DHRSX: variants seen among roughly 807,000 people sequenced by gnomAD.
DHRSX encodes the protein dehydrogenase/reductase X-linked.
In DHRSX, 31 loss-of-function variants were observed where a neutral mutation model predicts 34.0. The observed-to-expected ratio is 0.91, with a 90% CI of 0.69 to 1.23. DHRSX has a LOEUF of 1.23. DHRSX is among the 50% of genes most tolerant of loss of function. The probability of loss-of-function intolerance (pLI) is 0.00; values close to 1 mark genes in which losing one functional copy is unlikely to be tolerated. For missense variants in DHRSX, 414 were observed against 428.1 expected (o/e 0.97, Z 0.29); for synonymous variants, 201 against 183.8 (o/e 1.09, Z -0.76).
chrX:2,334,307 G>A (rs915664284), intron 3 of DHRSX: 1 of 151,696 alleles, frequency 6.6e-6, no homozygotes, highest in Non-Finnish European at 1.5e-5. Flanking sequence ...TGGAATTCTA[G>A]GCACCTGCCA....
chrX:2,292,535 T>C lies in DHRSX; in HGVS notation c.287-932A>G, dbSNP rs144179969. 2.7e-4 allele frequency among the ~76,000 whole-genome samples: 41 copies of C among 152,174 alleles called. No individual in the cohort carries two copies. In the East Asian group the frequency reaches 7.3e-3, roughly 27 times the overall value. On this transcript the variant is annotated intron_variant, in intron 3 of 6. Transcript: ENST00000334651. Reference sequence around the variant, plus strand: ...CAGCATATGTAACTGATACACAAAATGACTCAGAAGCAAGGACTTCCTTCT... The same window carrying C: ...CAGCATATGTAACTGATACACAAAACGACTCAGAAGCAAGGACTTCCTTCT...
intron 3 of DHRSX, among the ~76,000 whole-genome samples, chrX:2,303,058 C>G (rs188365891): frequency 3.9e-5 from 6 of 152,192 alleles, no homozygotes; most frequent in Non-Finnish European, 8.8e-5. Context: ...CATACTACTG[C>G]TAATAATTGG....
intron 5 of DHRSX, among the ~76,000 whole-genome samples, chrX:2,250,179 A>AC (rs1276944962): frequency 7.7e-4 from 115 of 149,436 alleles, no homozygotes; most frequent in East Asian, 2.9e-3. Context: ...AAAAAAAAAA[A>AC]AATTAAGCAT....
chrX:2,320,310 T>G (rs2042293582), intron 3 of DHRSX, among the ~76,000 whole-genome samples: 1 of 112,020 alleles, frequency 8.9e-6, no homozygotes, highest in Admixed American at 9.5e-5. Context: ...TTTTTTTTTT[T>G]TTGAGATGGG....
chrX:2,452,347 C>T lies in DHRSX; in HGVS notation c.110-27043G>A, dbSNP rs893139464. On this transcript the variant is annotated intron_variant, in intron 1 of 6. Transcript: ENST00000334651. ...GCCAAGGGACGGCACTGAAGACGTT[C>T]CCTAGGCATGTGGTCAAGGGACCGC... Among the ~76,000 whole-genome samples the T allele has an allele frequency of 1.6e-4, 24 of 150,782 alleles. 1 individual carries two copies. Among genetic ancestry groups the T allele is most frequent in the Non-Finnish European group, 7.4e-5 (5 of 67,778 alleles).
At chrX:2,378,150 CG>C (rs1464685584) in intron 3 of DHRSX, among the ~76,000 whole-genome samples, 2 of 152,208 alleles carry the variant, frequency 1.3e-5, no homozygotes, top group Non-Finnish European at 1.5e-5. Flanking sequence ...TATTTCCACC[CG>C]GATGTGTTGG....
At chrX:2,349,794 C>A (rs2042765143) in intron 3 of DHRSX, among the ~76,000 whole-genome samples, 1 of 151,742 alleles carries the variant, frequency 6.6e-6, no homozygotes, top group Admixed American at 6.6e-5. Context: ...GTAATTCCAG[C>A]ACTTTGGGAG....
chrX:2,302,633 AAAGT>A (rs1186519908), intron 3 of DHRSX, among the ~76,000 whole-genome samples: 4 of 151,528 alleles, frequency 2.6e-5, no homozygotes, highest in Admixed American at 2.6e-4. Flanking sequence ...ATAAATAAAT[AAAGT>A]AATATATTGG....
intron 6 of DHRSX, 142 bp from the exon 7 acceptor site, chrX:2,221,371 G>C (rs2015516369): frequency 9.5e-6 from 8 of 838,894 alleles, no homozygotes; most frequent in Admixed American, 5.6e-5. Flanking sequence ...AAGCGAGGTT[G>C]GGTGATCAAT....
At chrX:2,415,674 C>G (rs2043684304) in intron 2 of DHRSX, among the ~76,000 whole-genome samples, 1 of 151,612 alleles carries the variant, frequency 6.6e-6, no homozygotes. Context: ...TCATCATAAT[C>G]TAACCCAACT....
intron 5 of DHRSX, among the ~76,000 whole-genome samples, chrX:2,256,784 T>G (rs1189049259): frequency 7.1e-6 from 1 of 140,058 alleles, no homozygotes; most frequent in Non-Finnish European, 1.5e-5. Context: ...GAACCACATC[T>G]TTCATCCAAA....
intron 3 of DHRSX, among the ~76,000 whole-genome samples, chrX:2,310,071 C>G (rs936813874): frequency 6.6e-6 from 1 of 152,140 alleles, no homozygotes; most frequent in Non-Finnish European, 1.5e-5. Context: ...CCCTACGCAT[C>G]CTAATAAATT....
intron 3 of DHRSX, among the ~76,000 whole-genome samples, chrX:2,326,771 G>A (rs1417914372): frequency 6.6e-6 from 1 of 151,430 alleles, no homozygotes; most frequent in East Asian, 1.9e-4. Flanking sequence ...CGCAGTCAAA[G>A]TGAACTGGGG....
intron 3 of DHRSX, among the ~76,000 whole-genome samples, chrX:2,346,341 A>G (rs912902020): frequency 8.9e-4 from 136 of 152,254 alleles, no homozygotes; most frequent in Non-Finnish European, 1.5e-3. Context: ...AGGATTTAAT[A>G]CGTGCTCAAA....
At chrX:2,334,013 C>T (rs2042518033) in intron 3 of DHRSX, among the ~76,000 whole-genome samples, 1 of 152,142 alleles carries the variant, frequency 6.6e-6, no homozygotes. Context: ...GGGTATCTAG[C>T]TTAATTCCCA....
chrX:2,408,866 C>G (rs368574161), intron 2 of DHRSX, 53 bp from the exon 3 acceptor site: 42 of 1,384,070 alleles, frequency 3.0e-5, no homozygotes, highest in Non-Finnish European at 3.6e-5. Context: ...TATCCAGAAA[C>G]TATTAACTGC....
At chrX:2,447,308 A>C (rs1180983840) in intron 1 of DHRSX, among the ~76,000 whole-genome samples, 3 of 151,738 alleles carry the variant, frequency 2.0e-5, no homozygotes, top group Non-Finnish European at 4.4e-5. Flanking sequence ...GAAGACATTC[A>C]CTAAGAATGT....
intron 6 of DHRSX, 67 bp from the exon 7 acceptor site, chrX:2,221,296 C>T: frequency 6.6e-7 from 1 of 1,508,326 alleles, no homozygotes; most frequent in Non-Finnish European, 9.1e-7. Context: ...AGTCTCAGGA[C>T]TCACATGGAT....
At chrX:2,345,468 C>G (rs2042694240) in intron 3 of DHRSX, among the ~76,000 whole-genome samples, 2 of 151,620 alleles carry the variant, frequency 1.3e-5, no homozygotes, top group Non-Finnish European at 2.9e-5. Context: ...CATGGTGAAA[C>G]CTTGTCTCTA....
Sources: allele counts gnomAD v4.1 joint callset (sites outside exome capture counted in the v4.1 genomes callset), GRCh38; gene constraint gnomAD v4.1.1; transcripts MANE v1.5; gene names NCBI Gene and HGNC (gene_info 2026-07-23, HGNC 2026-07-21).